Variants in WWTR1 observed in about 807,000 individuals in gnomAD.
The protein encoded by WWTR1 is WW domain containing transcription regulator 1, also known as WW domain-containing transcription regulator protein 1.
In WWTR1, 13 loss-of-function variants were observed where a neutral mutation model predicts 40.1. The ratio of observed to expected loss-of-function variants is 0.32; its 90% confidence interval spans 0.21 to 0.52. The LOEUF is 0.52. Among genes scored for constraint, WWTR1 ranks in the 20% least tolerant of loss-of-function variants. WWTR1 has a pLI of 0.97. For synonymous variants in WWTR1, 230 were observed against 210.1 expected (o/e 1.09, Z -0.82); for missense variants, 436 against 523.1 (o/e 0.83, Z 1.63).
At chr3:149,714,838 C>T (rs188677566) in intron 5 of WWTR1, among the ~76,000 whole-genome samples, 30 of 152,308 alleles carry the variant, frequency 2.0e-4, no homozygotes, top group Non-Finnish European at 3.5e-4. Flanking sequence ...TCAGCACACA[C>T]TTCCTACCCT....
intron 2 of WWTR1, among the ~76,000 whole-genome samples, chr3:149,635,122 T>C (rs1465494585): frequency 1.3e-5 from 2 of 152,164 alleles, no homozygotes; most frequent in Non-Finnish European, 2.9e-5. Flanking sequence ...GTGACAATGT[T>C]CCTCTTCTCC....
chr3:149,566,929 C>A (rs951562376), intron 3 of WWTR1, among the ~76,000 whole-genome samples: 4 of 151,880 alleles, frequency 2.6e-5, no homozygotes, highest in Non-Finnish European at 5.9e-5. Flanking sequence ...TAAGTAAGTG[C>A]GTGTGTGTGC....
intron 2 of WWTR1, among the ~76,000 whole-genome samples, chr3:149,612,587 A>T (rs1030725141): frequency 6.6e-6 from 1 of 152,164 alleles, no homozygotes; most frequent in Non-Finnish European, 1.5e-5. Context: ...CTTTTCAGGG[A>T]AGTGCCATAA....
intron 3 of WWTR1, among the ~76,000 whole-genome samples, chr3:149,568,386 T>C (rs1737433859): frequency 1.3e-5 from 2 of 151,612 alleles, no homozygotes; most frequent in Admixed American, 6.6e-5. Flanking sequence ...ATTGCATATG[T>C]CTGGGAATTC....
intron 5 of WWTR1, 134 bp downstream of exon 5, chr3:149,527,702 C>T: frequency 8.5e-6 from 11 of 1,300,200 alleles, no homozygotes; most frequent in Non-Finnish European, 1.2e-5. Flanking sequence ...GCCAGCTCCT[C>T]CCACTTCCTC....
At position 149,517,249 on chromosome 3, in the gene WWTR1, T is replaced by C. The variant is rs1734827705; in HGVS notation, c.*3556A>G. 1 of 152,182 alleles carries C rather than the reference T, an allele frequency of 6.6e-6. No individual in the cohort carries two copies. Among genetic ancestry groups the C allele is most frequent in the African/African-American group, 2.4e-5 (1 of 41,454 alleles). The allele number at this position is 152,182 out of a possible 1,614,324, so 9.4% of individuals were successfully genotyped here. A position where few individuals can be genotyped will look rare whatever the true frequency, so the allele number is the denominator to read the frequency against. The stretch of plus-strand genomic sequence containing the variant: ...AAAGCTCCAAGTGGAAGTTCAATTG[T>C]CTTTATTTTTCTTATACAGATTCAG... On this transcript the variant is annotated 3_prime_UTR_variant, in exon 7 of 7. Transcript: ENST00000360632.
chr3:149,643,345 T>C (rs1281301857), intron 2 of WWTR1, among the ~76,000 whole-genome samples: 1 of 152,232 alleles, frequency 6.6e-6, no homozygotes, highest in Non-Finnish European at 1.5e-5. Context: ...GTAATTTAGT[T>C]ATGACGTGTG....
intron 2 of WWTR1, among the ~76,000 whole-genome samples, chr3:149,597,638 T>A (rs1739061100): frequency 6.6e-6 from 1 of 151,606 alleles, no homozygotes; most frequent in African/African-American, 2.4e-5. Context: ...TAAAATAAAG[T>A]AAAAAAGATA....
intron 3 of WWTR1, among the ~76,000 whole-genome samples, chr3:149,549,891 T>A (rs1312029154): frequency 6.6e-6 from 1 of 152,088 alleles, no homozygotes; most frequent in Non-Finnish European, 1.5e-5. Context: ...GGTAATTTGG[T>A]ATTCTGTATG....
At chr3:149,527,245 C>T (rs1293014947) in intron 5 of WWTR1, among the ~76,000 whole-genome samples, 1 of 151,370 alleles carries the variant, frequency 6.6e-6, no homozygotes, top group Non-Finnish European at 1.5e-5. Flanking sequence ...ACCTCCGCCT[C>T]CCAGGTTCAA....
chr3:149,639,993 C>CAAAAAAAAA (rs1215330406), intron 2 of WWTR1, among the ~76,000 whole-genome samples: 4 of 76,194 alleles, frequency 5.2e-5, no homozygotes, highest in South Asian at 5.8e-4. Flanking sequence ...GACTCCGTCT[C>CAAAAAAAAA]AAAAAAAAAA....
intron 2 of WWTR1, among the ~76,000 whole-genome samples, chr3:149,632,922 G>A (rs1465282065): frequency 6.6e-6 from 1 of 152,202 alleles, no homozygotes; most frequent in East Asian, 1.9e-4. Context: ...GAGGAGAGGG[G>A]CATGGCTAAT....
At chr3:149,686,641 A>G (rs1362021744) in intron 1 of WWTR1, among the ~76,000 whole-genome samples, 1 of 152,110 alleles carries the variant, frequency 6.6e-6, no homozygotes, top group Admixed American at 6.6e-5. Flanking sequence ...CACACACCTA[A>G]ACCAATGCTA....
chr3:149,712,664 TAGTC>T (rs1343135736), intron 5 of WWTR1, among the ~76,000 whole-genome samples: 2 of 152,320 alleles, frequency 1.3e-5, no homozygotes, highest in East Asian at 3.9e-4. Context: ...GATTAGACAT[TAGTC>T]AGTCTCAGGC....
At chr3:149,524,619 T>C (rs1431113925) in intron 6 of WWTR1, among the ~76,000 whole-genome samples, 1 of 152,138 alleles carries the variant, frequency 6.6e-6, no homozygotes, top group East Asian at 1.9e-4. Context: ...CCTGTGTCAC[T>C]CCTCACAAGA....
chr3:149,548,280 A>G (rs1387906644), intron 3 of WWTR1, among the ~76,000 whole-genome samples: 1 of 152,204 alleles, frequency 6.6e-6, no homozygotes, highest in African/African-American at 2.4e-5. Flanking sequence ...ACCAGGAAAC[A>G]GAGAGCCACA....
chr3:149,678,918 C>T (rs912020064), intron 1 of WWTR1, among the ~76,000 whole-genome samples: 1 of 151,696 alleles, frequency 6.6e-6, no homozygotes, highest in Non-Finnish European at 1.5e-5. Context: ...GCAACCTCCG[C>T]CTCCCAGTTC....
chr3:149,670,982 A>T (rs1456606192), intron 1 of WWTR1: 3 of 152,242 alleles, frequency 2.0e-5, no homozygotes, highest in Admixed American at 6.5e-5. Flanking sequence ...GAATGGGGTC[A>T]TGAGCTGCCT....
At chr3:149,637,855 T>C (rs1467530277) in intron 2 of WWTR1, among the ~76,000 whole-genome samples, 1 of 152,130 alleles carries the variant, frequency 6.6e-6, no homozygotes, top group African/African-American at 2.4e-5. Flanking sequence ...ATGTAGGACA[T>C]TCTAGGCAAG....
Sources: allele counts gnomAD v4.1 joint callset (sites outside exome capture counted in the v4.1 genomes callset), GRCh38; gene constraint gnomAD v4.1.1; transcripts MANE v1.5; gene names NCBI Gene and HGNC (gene_info 2026-07-23, HGNC 2026-07-21).